PCGF3: variants seen among roughly 807,000 people sequenced by gnomAD.
PCGF3 encodes the protein polycomb group ring finger 3.
A neutral mutation model predicts 33.1 loss-of-function variants in PCGF3; 7 were observed. The ratio of observed to expected loss-of-function variants is 0.21; its 90% CI spans 0.12 to 0.40. PCGF3 has a LOEUF of 0.40. PCGF3 is among the 10% of genes least tolerant of loss of function. PCGF3 has a pLI of 1.00. For synonymous variants in PCGF3, 153 were observed against 121.3 expected (o/e 1.26, Z -1.72); for missense variants, 211 against 313.3 (o/e 0.67, Z 2.46).
intron 6 of PCGF3, among the ~76,000 whole-genome samples, chr4:739,393 T>C (rs1418673973): frequency 6.6e-6 from 1 of 152,164 alleles, no homozygotes; most frequent in African/African-American, 2.4e-5. Context: ...GGTTTTGCTG[T>C]GTTGCCCAGG....
At chr4:750,027 A>G (rs1417826896) in intron 8 of PCGF3, among the ~76,000 whole-genome samples, 2 of 151,186 alleles carry the variant, frequency 1.3e-5, no homozygotes, top group African/African-American at 2.4e-5. Flanking sequence ...GCCGGTCTGA[A>G]CTCCTGGGCT....
intron 9 of PCGF3, chr4:762,789 T>C (rs1345791662): frequency 6.6e-6 from 1 of 152,270 alleles, no homozygotes; most frequent in Non-Finnish European, 1.5e-5. Context: ...AGTACATTTC[T>C]ATTGTTTGAA....
rs979079554 is a variant in PCGF3, at chr4:719,915, C to T, written c.-189-10715C>T. On this transcript the variant is annotated intron_variant, in intron 1 of 10. Transcript: ENST00000362003. ...CCGCATTATAGAGGGAGGGACTCTC[C>T]GGACGATGGGAACGAGAGTCCATTG... is the stretch of plus-strand genomic sequence containing the variant. Among the ~76,000 whole-genome samples, 9 of 152,260 alleles carry T rather than the reference C, an allele frequency of 5.9e-5. No homozygotes were observed. In the East Asian group the frequency reaches 1.2e-3, roughly 20 times the overall value.
At chr4:727,781 T>C (rs1356314788) in intron 1 of PCGF3, among the ~76,000 whole-genome samples, 1 of 151,722 alleles carries the variant, frequency 6.6e-6, no homozygotes, top group African/African-American at 2.4e-5. Flanking sequence ...CCTCTGTGTT[T>C]CCTGGTGAGG....
At position 720,815 on chromosome 4, in the gene PCGF3, G is replaced by A. The variant is rs1242371823; in HGVS notation, c.-189-9815G>A. Among the ~76,000 whole-genome samples, 2 of 152,188 alleles carry A rather than the reference G, an allele frequency of 1.3e-5. No individual in the cohort carries two copies. Among genetic ancestry groups the A allele is most frequent in the African/African-American group, 4.8e-5 (2 of 41,444 alleles). On this transcript the variant is annotated intron_variant, in intron 1 of 10. Coordinates refer to ENST00000362003, the Ensembl canonical transcript of PCGF3. This position sits in a 1 kb window ranked among gnomAD's most constrained non-coding sequence, Gnocchi z 5.6. ...CGCTGGCATGGGAAGCAGAGGGTGA[G>A]GCTCGGCTCTGCTGTCAGGAGGACA...
chr4:717,827 C>T (rs1405178901), intron 1 of PCGF3, among the ~76,000 whole-genome samples: 3 of 152,196 alleles, frequency 2.0e-5, no homozygotes, highest in Middle Eastern at 3.2e-3. Flanking sequence ...GAGGAGTCCA[C>T]GCGGCAGGGG....
intron 10 of PCGF3, among the ~76,000 whole-genome samples, chr4:765,544 C>T (rs933190107): frequency 7.2e-5 from 11 of 152,296 alleles, no homozygotes; most frequent in East Asian, 3.9e-4. Context: ...AGCTGAGCTG[C>T]GAAGGGCACA....
intron 8 of PCGF3, among the ~76,000 whole-genome samples, 173 bp from the exon 9 acceptor site, chr4:761,106 C>T (rs549907792): frequency 3.3e-5 from 5 of 152,336 alleles, no homozygotes; most frequent in African/African-American, 1.2e-4. Context: ...AACAGGTTTT[C>T]AGATAAGGTA....
At chr4:761,999 G>A (rs980801387) in intron 9 of PCGF3, 2 of 985,264 alleles carry the variant, frequency 2.0e-6, no homozygotes, top group African/African-American at 3.5e-5. Flanking sequence ...TGCAGAAATG[G>A]ACGCAGGAGA....
intron 8 of PCGF3, among the ~76,000 whole-genome samples, chr4:752,235 C>T (rs1378201794): frequency 1.3e-5 from 2 of 152,200 alleles, no homozygotes; most frequent in African/African-American, 2.4e-5. Flanking sequence ...GTCGTTCTTT[C>T]TCCTCTCAGT....
rs758240949 is a variant in PCGF3, at chr4:720,247, C to T, written c.-189-10383C>T. 6.6e-6 allele frequency among the ~76,000 whole-genome samples: 1 copy of T among 151,958 alleles called. No individual in the cohort carries two copies. Among genetic ancestry groups the T allele is most frequent in the Non-Finnish European group, 1.5e-5 (1 of 67,974 alleles). On this transcript the variant is annotated intron_variant, in intron 1 of 10. Transcript: ENST00000362003. The surrounding 1 kb of genome is among the most constrained non-coding windows in gnomAD (Gnocchi z 5.6). Reference sequence around the variant, plus strand: ...TGTGTGCCGCTGGGGAGGGTGACCGCGGGAGGAGCGCCCGTGCATCGCTGC... The same window carrying T: ...TGTGTGCCGCTGGGGAGGGTGACCGTGGGAGGAGCGCCCGTGCATCGCTGC...
At chr4:734,883 C>T (rs774885856) in intron 4 of PCGF3, 48 bp from the exon 5 acceptor site, 107 of 1,590,156 alleles carry the variant, frequency 6.7e-5, no homozygotes, top group Middle Eastern at 1.7e-4. Context: ...ATGGGGTGGG[C>T]GCCCTGGCTC....
intron 8 of PCGF3, among the ~76,000 whole-genome samples, chr4:749,833 T>C (rs1744435432): frequency 6.6e-6 from 1 of 152,168 alleles, no homozygotes; most frequent in African/African-American, 2.4e-5. Flanking sequence ...TTTGTTATTC[T>C]TTGAGACGGG....
chr4:723,170 G>C (rs1280481989), intron 1 of PCGF3, among the ~76,000 whole-genome samples: 2 of 150,982 alleles, frequency 1.3e-5, no homozygotes, highest in South Asian at 4.2e-4. Context: ...GTCCACACTC[G>C]GTCATCGCCA....
chr4:766,131 C>T (rs551951122), exon 11 of PCGF3: 63 of 1,481,432 alleles, frequency 4.3e-5, no homozygotes, highest in Middle Eastern at 1.7e-4. Flanking sequence ...TGGGTGCTCC[C>T]GGCCGCCGCG....
At chr4:751,324 C>T (rs1230636509) in intron 8 of PCGF3, among the ~76,000 whole-genome samples, 3 of 152,166 alleles carry the variant, frequency 2.0e-5, no homozygotes, top group African/African-American at 4.8e-5. Context: ...TTCTAGGAAT[C>T]GCTTCTTCAT....
Position 757,801 on chromosome 4 carries a change from C to T in PCGF3, c.463-3478C>T, listed in dbSNP as rs1181689426. 2.4e-4 allele frequency: 36 copies of T among 152,164 alleles called. 1 individual carries two copies. The highest frequency in any genetic ancestry group is 2.4e-3 in the Admixed American group (36 of 15,270). The allele number at this position is 152,164 out of a possible 1,614,324, so 9.4% of individuals were successfully genotyped here. A position where few individuals can be genotyped will look rare whatever the true frequency, so the allele number is the denominator to read the frequency against. The stretch of plus-strand genomic sequence containing the variant: ...TTCTTTAATCTCTTTCTTTCTTCCT[C>T]TGGTTTGCAAGGTATAAGCTCTACT... On this transcript the variant is annotated intron_variant, in intron 8 of 10. Transcript: ENST00000362003.
chr4:734,291 C>G lies in PCGF3; in HGVS notation c.109+502C>G, dbSNP rs780872914. On this transcript the variant is annotated intron_variant, in intron 4 of 10. Coordinates refer to ENST00000362003, the Ensembl canonical transcript of PCGF3. ...TGCCATCCATCAGGCTGAGGCTCGG[C>G]TCTTATGCTAACCTGAGGCCCCATG... is the stretch of plus-strand genomic sequence containing the variant. 11 of 1,457,416 alleles carry G rather than the reference C, an allele frequency of 7.5e-6. No individual in the cohort carries two copies. The Admixed American group carries it at 1.6e-4, about 21-fold the overall frequency. 90.3% of individuals were successfully genotyped at this position (1,457,416 alleles called of 1,614,324 possible).
chr4:740,865 GCTGC>G (rs1744060083), intron 6 of PCGF3, among the ~76,000 whole-genome samples: 1 of 152,218 alleles, frequency 6.6e-6, no homozygotes, highest in African/African-American at 2.4e-5. Flanking sequence ...CCAGGAGTGT[GCTGC>G]CTGCCTGCCG....
Sources: allele counts gnomAD v4.1 joint callset (sites outside exome capture counted in the v4.1 genomes callset), GRCh38; gene constraint gnomAD v4.1.1; non-coding constraint Gnocchi (gnomAD v3.1); transcripts MANE v1.5; gene names NCBI Gene and HGNC (gene_info 2026-07-23, HGNC 2026-07-21).